The following LINGO2 variants were observed in gnomAD, a reference collection of about 807,000 sequenced individuals.
The protein encoded by LINGO2 is leucine rich repeat and Ig domain containing 2, also known as leucine-rich repeat and immunoglobulin-like domain-containing nogo receptor-interacting protein 2.
A neutral mutation model predicts 30.6 loss-of-function variants in LINGO2; 14 were observed. That is an observed-to-expected ratio of 0.46 (90% CI 0.30 to 0.72). The LOEUF (loss-of-function observed/expected upper bound fraction) is 0.72. LINGO2 is among the 30% of genes least tolerant of loss of function. LINGO2 has a pLI of 0.07. For missense variants in LINGO2, 729 were observed against 751.7 expected, an observed-to-expected ratio of 0.97 and a Z score of 0.35; for synonymous variants, 317 against 288.5, an observed-to-expected ratio of 1.10 and a Z score of -1.00.
intron 2 of LINGO2, among the ~76,000 whole-genome samples, chr9:28,402,092 G>A (rs1195741213): frequency 2.0e-5 from 3 of 152,004 alleles, no homozygotes; most frequent in Non-Finnish European, 4.4e-5. Context: ...GCCTCACTAG[G>A]GCAACACAAG....
intron 1 of LINGO2, among the ~76,000 whole-genome samples, chr9:28,561,180 T>C (rs181712031): frequency 7.9e-5 from 12 of 152,110 alleles, no homozygotes; most frequent in African/African-American, 9.6e-5. Context: ...TCTTACCATA[T>C]GCACTCTGCC....
the LINGO2 span, among the ~76,000 whole-genome samples, chr9:28,941,108 T>TA: frequency 6.6e-6 from 1 of 151,970 alleles, no homozygotes; most frequent in African/African-American, 2.4e-5. Flanking sequence ...AATAAGCAGA[T>TA]ACAGTACTGG....
At chr9:28,729,915 T>C in the LINGO2 span, among the ~76,000 whole-genome samples, 1 of 151,984 alleles carries the variant, frequency 6.6e-6, no homozygotes, top group Non-Finnish European at 1.5e-5. Context: ...AGCATTTATA[T>C]AGAATAATAT....
chr9:28,840,906 G>A, the LINGO2 span, among the ~76,000 whole-genome samples: 1 of 151,878 alleles, frequency 6.6e-6, no homozygotes, highest in African/African-American at 2.4e-5. Context: ...ACACTAATGG[G>A]GTTGTTGGTG....
the LINGO2 span, among the ~76,000 whole-genome samples, chr9:28,910,179 T>C: frequency 2.0e-5 from 3 of 152,064 alleles, no homozygotes; most frequent in Admixed American, 1.3e-4. Context: ...CTCTGAGTAA[T>C]ACTATATAGA....
At chr9:29,099,937 T>C in the LINGO2 span, among the ~76,000 whole-genome samples, 1 of 152,156 alleles carries the variant, frequency 6.6e-6, no homozygotes, top group African/African-American at 2.4e-5. Flanking sequence ...ACTCCCATAT[T>C]CATTGCAGCA....
the LINGO2 span, among the ~76,000 whole-genome samples, chr9:28,741,819 GGCT>G: frequency 6.6e-6 from 1 of 151,614 alleles, no homozygotes; most frequent in African/African-American, 2.4e-5. Context: ...TGATGAGTAG[GGCT>G]GCAGGAGCTG....
intron 2 of LINGO2, among the ~76,000 whole-genome samples, chr9:28,461,189 T>C (rs953666270): frequency 3.9e-5 from 6 of 152,178 alleles, no homozygotes; most frequent in African/African-American, 1.4e-4. Flanking sequence ...TCTAAAGGAA[T>C]ACAAATCAAA....
intron 2 of LINGO2, among the ~76,000 whole-genome samples, chr9:28,381,147 G>A (rs1821338237): frequency 6.6e-6 from 1 of 152,028 alleles, no homozygotes; most frequent in Admixed American, 6.6e-5. Context: ...GGTTCAGGGA[G>A]AAAGCCATCA....
chr9:28,481,713 G>A lies in LINGO2; in HGVS notation c.-364-5688C>T, dbSNP rs910611036. 9.5e-4 allele frequency among the ~76,000 whole-genome samples: 145 copies of A among 152,074 alleles called. 2 individuals carry two copies. The highest frequency in any genetic ancestry group is 3.4e-3 in the Middle Eastern group (1 of 294). On this transcript the variant is annotated intron_variant, in intron 1 of 5. Transcript: ENST00000379992. Reference sequence around the variant, plus strand: ...ATGTATACATGTGCATTGCTGGTGCGCTGCACCCACTAACTCATCATCTAG... The same window carrying A: ...ATGTATACATGTGCATTGCTGGTGCACTGCACCCACTAACTCATCATCTAG...
At position 28,329,307 on chromosome 9, in the gene LINGO2, GCTT is replaced by G. The variant is rs1438798618; in HGVS notation, c.-245-33944_-245-33942del. 6.6e-6 allele frequency among the ~76,000 whole-genome samples: 1 copy of G among 152,096 alleles called. No individual in the cohort carries two copies. Among genetic ancestry groups the G allele is most frequent in the Non-Finnish European group, 1.5e-5 (1 of 68,014 alleles). The stretch of plus-strand genomic sequence containing the variant: ...ATTCTGTCCCATGGCACAAAGCAGA[GCTT>G]CTTATTTCCCTGTATCTGACAAATA... On this transcript the variant is annotated intron_variant, in intron 3 of 5. Transcript: ENST00000379992. This position sits in a 1 kb window ranked among gnomAD's most constrained non-coding sequence, Gnocchi z 4.5.
intron 4 of LINGO2, among the ~76,000 whole-genome samples, chr9:28,062,580 C>T (rs1038794626): frequency 9.2e-4 from 130 of 140,764 alleles, no homozygotes; most frequent in Non-Finnish European, 1.7e-3. Flanking sequence ...TATACACAAT[C>T]AAATATATAT....
At chr9:28,045,586 TTG>T (rs1011109387) in intron 4 of LINGO2, among the ~76,000 whole-genome samples, 20 of 152,220 alleles carry the variant, frequency 1.3e-4, no homozygotes, top group African/African-American at 4.8e-4. Flanking sequence ...TGTAAATAGT[TTG>T]TGTTTGATTA....
chr9:28,158,294 C>T (rs1241819531), intron 4 of LINGO2, among the ~76,000 whole-genome samples: 2 of 152,068 alleles, frequency 1.3e-5, no homozygotes, highest in Non-Finnish European at 2.9e-5. Flanking sequence ...AAGGCTTGCC[C>T]CTATGACTCA....
chr9:28,512,394 G>C (rs1389540240), intron 1 of LINGO2, among the ~76,000 whole-genome samples: 1 of 151,488 alleles, frequency 6.6e-6, no homozygotes, highest in African/African-American at 2.4e-5. Flanking sequence ...ACTGCCAAAG[G>C]CTCCAAACAG....
chr9:29,078,091 T>C, the LINGO2 span, among the ~76,000 whole-genome samples: 29,913 of 151,846 alleles, frequency 0.2, 3,074 homozygotes, highest in African/African-American at 0.24. Flanking sequence ...AACTGATGAT[T>C]ATTAACATTA....
the LINGO2 span, among the ~76,000 whole-genome samples, chr9:28,965,157 T>G: frequency 1.3e-5 from 2 of 151,960 alleles, no homozygotes; most frequent in Admixed American, 6.6e-5. Flanking sequence ...AGTTCGGGAT[T>G]TATTTAATTA....
chr9:29,167,341 G>A, the LINGO2 span, among the ~76,000 whole-genome samples: 1,626 of 152,120 alleles, frequency 0.011, 36 homozygotes, highest in African/African-American at 0.037. Context: ...TTCTGTTTTC[G>A]TACTTAAATT....
intron 1 of LINGO2, among the ~76,000 whole-genome samples, chr9:28,592,139 TG>T (rs1270746986): frequency 1.3e-5 from 2 of 152,134 alleles, no homozygotes; most frequent in Admixed American, 6.6e-5. Flanking sequence ...AAAATCATGC[TG>T]TTACATTTAT....
Sources: gnomAD v4.1 joint callset for allele counts (sites outside exome capture counted in the v4.1 genomes callset) on GRCh38, gnomAD v4.1.1 for gene constraint, Gnocchi (gnomAD v3.1) non-coding constraint, MANE v1.5 for transcripts, NCBI Gene and HGNC (gene_info 2026-07-23, HGNC 2026-07-21) for gene names.